ZNF550: variants seen among roughly 807,000 people sequenced by gnomAD.
ZNF550 encodes the protein zinc finger protein 550.
A neutral mutation model predicts 40.2 loss-of-function variants in ZNF550; 42 were observed. The ratio of observed to expected loss-of-function variants is 1.05; its 90% confidence interval spans 0.82 to 1.35. ZNF550 has a LOEUF of 1.35. Among genes scored for constraint, ZNF550 ranks in the 40% most tolerant of loss-of-function variants. The pLI is 0.00. For missense variants in ZNF550, 549 were observed against 525.2 expected (o/e 1.05, Z -0.44); for synonymous variants, 223 against 198.6 (o/e 1.12, Z -1.03).
At chr19:57,544,122 C>G in intron 4 of ZNF550, 1 of 985,404 alleles carries the variant, frequency 1.0e-6, no homozygotes, top group Non-Finnish European at 1.2e-6. Context: ...AGTTCCTTCC[C>G]TGCTCAAGGG....
intron 4 of ZNF550, chr19:57,544,022 A>G (rs1023572914): frequency 4.1e-6 from 4 of 985,314 alleles, no homozygotes; most frequent in South Asian, 4.7e-5. Context: ...TGTAAGTTCA[A>G]AACTTCTACT....
exon 4 of ZNF550, chr19:57,546,953 TC>T (rs1200685111): frequency 6.3e-7 from 1 of 1,586,010 alleles, no homozygotes; most frequent in Non-Finnish European, 8.6e-7. Flanking sequence ...CTTGCTGTAT[TC>T]ATTGCAGCAA....
chr19:57,558,733 G>C lies in ZNF550; in HGVS notation c.27+923C>G, dbSNP rs111637349. Among the ~76,000 whole-genome samples, 753 of 152,260 alleles carry C rather than the reference G, an allele frequency of 4.9e-3. 6 individuals are homozygous for C. The highest frequency in any genetic ancestry group is 0.017 in the African/African-American group (690 of 41,554). On this transcript the variant is annotated intron_variant, in intron 1 of 4. Coordinates refer to ENST00000457177, the Ensembl canonical transcript of ZNF550. Reference sequence around the variant, plus strand: ...AGGGAGTCAGAAATAAAGCAAAGGAGGGAGAGGTGGATGAGAAATTAACAA... The same window carrying C: ...AGGGAGTCAGAAATAAAGCAAAGGACGGAGAGGTGGATGAGAAATTAACAA...
intron 3 of ZNF550, among the ~76,000 whole-genome samples, chr19:57,550,310 A>G (rs1192056883): frequency 6.6e-6 from 1 of 152,228 alleles, no homozygotes; most frequent in Non-Finnish European, 1.5e-5. Flanking sequence ...TCCACCAGTC[A>G]TCTCCTGGGT....
At chr19:57,542,114 A>T (rs2089965026) in exon 5 of ZNF550, 1 of 152,058 alleles carries the variant, frequency 6.6e-6, no homozygotes, top group South Asian at 2.1e-4. Context: ...CAATGAAAGG[A>T]TATGAACTAA....
chr19:57,560,127 G>C (rs2090158103), upstream of ZNF550, among the ~76,000 whole-genome samples: 1 of 152,208 alleles, frequency 6.6e-6, no homozygotes, highest in Admixed American at 6.5e-5. Flanking sequence ...AGGTAAACGA[G>C]TTTGATAAAG....
intron 3 of ZNF550, among the ~76,000 whole-genome samples, chr19:57,548,577 C>A (rs1001232206): frequency 6.6e-6 from 1 of 152,098 alleles, no homozygotes; most frequent in African/African-American, 2.4e-5. Context: ...CAGGCAATAA[C>A]AAATGGTGGC....
At chr19:57,543,136 G>T in exon 5 of ZNF550, 1 of 573,750 alleles carries the variant, frequency 1.7e-6, no homozygotes, top group Non-Finnish European at 2.2e-6. Context: ...AATCACTTCT[G>T]GTGCTTTCCT....
intron 4 of ZNF550, among the ~76,000 whole-genome samples, chr19:57,545,285 A>T (rs1223119240): frequency 6.6e-6 from 1 of 152,234 alleles, no homozygotes; most frequent in Admixed American, 6.5e-5. Flanking sequence ...AAATGTTTAT[A>T]AGATCAGACA....
intron 1 of ZNF550, among the ~76,000 whole-genome samples, 192 bp downstream of exon 1, chr19:57,559,464 C>A (rs2090150877): frequency 6.6e-6 from 1 of 152,216 alleles, no homozygotes; most frequent in African/African-American, 2.4e-5. Flanking sequence ...CCGCGCACCC[C>A]AGAAACGGGG....
intron 3 of ZNF550, among the ~76,000 whole-genome samples, chr19:57,549,030 C>G (rs2090049469): frequency 1.3e-5 from 2 of 151,840 alleles, no homozygotes; most frequent in African/African-American, 4.8e-5. Flanking sequence ...GGATCCTACT[C>G]CATGGAGTAG....
chr19:57,550,083 T>A (rs1335461575), intron 3 of ZNF550, among the ~76,000 whole-genome samples: 1 of 152,198 alleles, frequency 6.6e-6, no homozygotes, highest in Non-Finnish European at 1.5e-5. Flanking sequence ...CTGGGCAATT[T>A]GGGTAATGCC....
intron 3 of ZNF550, 118 bp from the exon 4 acceptor site, chr19:57,548,111 T>A: frequency 1.1e-6 from 1 of 933,490 alleles, no homozygotes; most frequent in Admixed American, 2.6e-5. Flanking sequence ...ACTTGCTGCA[T>A]TTTTACATCT....
At chr19:57,559,131 G>C (rs776457169) in intron 1 of ZNF550, among the ~76,000 whole-genome samples, 25 of 152,132 alleles carry the variant, frequency 1.6e-4, no homozygotes, top group Non-Finnish European at 2.4e-4. Context: ...TGCTGGGGTT[G>C]AGTCTCCAAA....
At chr19:57,548,204 G>T (rs779332480) in intron 3 of ZNF550, among the ~76,000 whole-genome samples, 24 of 152,248 alleles carry the variant, frequency 1.6e-4, no homozygotes, top group African/African-American at 5.8e-4. Flanking sequence ...AGGCTGGACC[G>T]GGGGACAGAG....
At chr19:57,546,300 G>T (rs2090008625) in intron 4 of ZNF550, among the ~76,000 whole-genome samples, 1 of 151,708 alleles carries the variant, frequency 6.6e-6, no homozygotes, top group East Asian at 1.9e-4. Flanking sequence ...TGCCTGAAGA[G>T]CTGCCCTCAC....
chr19:57,559,414 G>T (rs1354993944), intron 1 of ZNF550, among the ~76,000 whole-genome samples: 1 of 152,160 alleles, frequency 6.6e-6, no homozygotes, highest in Non-Finnish European at 1.5e-5. Flanking sequence ...CACCTGTGAG[G>T]GGTTCCGGGA....
exon 4 of ZNF550, chr19:57,547,322 T>C: frequency 6.2e-7 from 1 of 1,614,056 alleles, no homozygotes; most frequent in Non-Finnish European, 8.5e-7. Context: ...CCAGTGTGGG[T>C]CCTATTATGG....
chr19:57,556,072 C>G (rs1213201258), intron 2 of ZNF550, 159 bp downstream of exon 2: 8 of 923,262 alleles, frequency 8.7e-6, no homozygotes, highest in Non-Finnish European at 1.3e-5. Flanking sequence ...AGGACATTTT[C>G]TACCCCGACA....
Sources: gnomAD v4.1 joint callset for allele counts (sites outside exome capture counted in the v4.1 genomes callset) on GRCh38, gnomAD v4.1.1 for gene constraint, MANE v1.5 for transcripts, NCBI Gene and HGNC (gene_info 2026-07-23, HGNC 2026-07-21) for gene names.